GNA15: variants seen among roughly 807,000 people sequenced by gnomAD.
The protein encoded by GNA15 is guanine nucleotide-binding protein subunit alpha-15.
In GNA15, 23 loss-of-function variants were observed where a neutral mutation model predicts 40.1. The observed-to-expected ratio is 0.57, with a 90% confidence interval of 0.41 to 0.81. The LOEUF (loss-of-function observed/expected upper bound fraction) is 0.81, where lower values mean the gene tolerates loss of function less well. GNA15 is among the 40% of genes least tolerant of loss of function. The pLI is 0.00. For missense variants in GNA15, 522 were observed against 515.8 expected (o/e 1.01, Z -0.12); for synonymous variants, 226 against 210.4 (o/e 1.07, Z -0.64).
chr19:3,139,241 C>G (rs1258008284), intron 1 of GNA15, among the ~76,000 whole-genome samples: 1 of 152,096 alleles, frequency 6.6e-6, no homozygotes, highest in East Asian at 1.9e-4. Context: ...CCACTGCACC[C>G]AGTCAAGGGC....
In GNA15 at chr19:3,151,558, C is replaced by T; in HGVS notation, c.486-149C>T. 1 of 843,516 alleles carries T rather than the reference C, an allele frequency of 1.2e-6. No homozygotes were observed. The highest frequency in any genetic ancestry group is 1.8e-6 in the Non-Finnish European group (1 of 566,784). The allele number at this position is 843,516 out of a possible 1,614,324, so 52.3% of individuals were successfully genotyped here. Reference sequence around the variant, plus strand: ...GCTCCATTGCCTCAGGTGGGGGACGCTCCTGGGCCATCTGCCAACTCCAGG... The same window carrying T: ...GCTCCATTGCCTCAGGTGGGGGACGTTCCTGGGCCATCTGCCAACTCCAGG... On this transcript the variant is annotated intron_variant, in intron 3 of 6. Coordinates refer to ENST00000262958, the MANE Select transcript of GNA15 (RefSeq NM_002068.4). The surrounding 1 kb of genome is among the most constrained non-coding windows in gnomAD (Gnocchi z 5.0).
chr19:3,152,938 T>A (rs1914914423), intron 4 of GNA15, among the ~76,000 whole-genome samples: 1 of 152,110 alleles, frequency 6.6e-6, no homozygotes, highest in South Asian at 2.1e-4. Flanking sequence ...GCTTCTTTAG[T>A]GAATAGCTAA....
chr19:3,143,418 A>G (rs1291030584), intron 1 of GNA15, among the ~76,000 whole-genome samples: 3 of 151,986 alleles, frequency 2.0e-5, no homozygotes, highest in South Asian at 2.1e-4. Flanking sequence ...TTGGGAGGCC[A>G]AGGCAAGTGG....
At chr19:3,150,468 C>G (rs1327998561) in intron 3 of GNA15, among the ~76,000 whole-genome samples, 183 bp downstream of exon 3, 1 of 152,052 alleles carries the variant, frequency 6.6e-6, no homozygotes, top group East Asian at 1.9e-4. Context: ...GGGGGTGACC[C>G]TTTTCCTGGG....
chr19:3,144,044 A>C (rs1311329751), intron 1 of GNA15, among the ~76,000 whole-genome samples: 1 of 151,414 alleles, frequency 6.6e-6, no homozygotes, highest in Non-Finnish European at 1.5e-5. Flanking sequence ...GAATGGCGTG[A>C]ACCCGGGAGG....
intron 1 of GNA15, among the ~76,000 whole-genome samples, chr19:3,143,478 C>T (rs1914624952): frequency 6.6e-6 from 1 of 151,988 alleles, no homozygotes; most frequent in East Asian, 1.9e-4. Context: ...ATGGCAAAAC[C>T]CTGTCTCTAC....
intron 6 of GNA15, among the ~76,000 whole-genome samples, chr19:3,159,946 GT>G (rs1157522362): frequency 2.0e-5 from 3 of 152,202 alleles, no homozygotes; most frequent in Non-Finnish European, 2.9e-5. Flanking sequence ...AGGGACCAAC[GT>G]GGGGAAGGTA....
At chr19:3,161,904 G>C (rs1185540925) in intron 6 of GNA15, among the ~76,000 whole-genome samples, 1 of 151,302 alleles carries the variant, frequency 6.6e-6, no homozygotes, top group Non-Finnish European at 1.5e-5. Context: ...GTGGTGGCGG[G>C]GGCCTGTCAT....
rs751384202 is a variant in GNA15, at chr19:3,136,587, T to C, written c.137T>C (p.Leu46Pro). The C allele has an allele frequency of 6.4e-7, 1 of 1,556,980 alleles. No homozygotes were observed. Among genetic ancestry groups the C allele is most frequent in the Admixed American group, 1.9e-5 (1 of 51,746 alleles). Reference sequence around the variant, plus strand: ...CAGGACCGCGGGGAGCTGAAGCTGCTGCTTTTGGGTGAGTCCAGGGTCGGT... The same window carrying C: ...CAGGACCGCGGGGAGCTGAAGCTGCCGCTTTTGGGTGAGTCCAGGGTCGGT... ...KKQDRGELKL[L>P]LLGPGESGKS... is the part of the protein sequence containing the mutation. The change falls in exon 1 of 7, where the codon CTG (leucine) becomes CCG (proline). Residue 46 changes from leucine to proline, a missense_variant. Transcript: ENST00000262958. The surrounding 1 kb of genome is among the most constrained non-coding windows in gnomAD (Gnocchi z 4.9).
rs1220543934 is a variant in GNA15, at chr19:3,148,632, C to A, written c.187C>A (p.Arg63=). 9 of 1,587,616 alleles carry A rather than the reference C, an allele frequency of 5.7e-6. No individual in the cohort carries two copies. The highest frequency in any genetic ancestry group is 1.7e-4 in the Middle Eastern group (1 of 6,028). ...SGKSTFIKQM[R]IIHGAGYSEE... is the part of the protein sequence containing the mutation. ...GAAGAGCACCTTCATCAAGCAGATGCGGATCATCCACGGCGCCGGCTACTC... is the reference window on the plus strand; with the variant it reads ...GAAGAGCACCTTCATCAAGCAGATGAGGATCATCCACGGCGCCGGCTACTC... The change falls in exon 2 of 7, where the codon CGG becomes AGG. Residue 63 remains arginine, a synonymous_variant. Coordinates refer to ENST00000262958, the MANE Select transcript of GNA15 (RefSeq NM_002068.4).
At chr19:3,161,220 C>T (rs1310632855) in intron 6 of GNA15, among the ~76,000 whole-genome samples, 3 of 152,164 alleles carry the variant, frequency 2.0e-5, no homozygotes, top group East Asian at 1.9e-4. Context: ...TTCCAAAGTG[C>T]TAGGATTACA....
At chr19:3,158,266 C>T (rs1915074527) in intron 6 of GNA15, among the ~76,000 whole-genome samples, 1 of 152,092 alleles carries the variant, frequency 6.6e-6, no homozygotes, top group African/African-American at 2.4e-5. Context: ...TCTCCTACCT[C>T]AGCCTCCCTA....
intron 6 of GNA15, 57 bp downstream of exon 6, chr19:3,157,938 A>G (rs898182458): frequency 2.0e-5 from 28 of 1,373,058 alleles, no homozygotes; most frequent in Middle Eastern, 1.8e-4. Flanking sequence ...CTCCGAAGAG[A>G]GATGCTAATC....
rs1915179691 is a variant in GNA15 at position 3,163,139 on chromosome 19, G to C, written c.*120G>C. On this transcript the variant is annotated 3_prime_UTR_variant, in exon 7 of 7. Coordinates refer to ENST00000262958, the MANE Select transcript of GNA15 (RefSeq NM_002068.4). ...CTCGGCCCACACGCAAGGGAGTCGG[G>C]GGACGGACGGCCCGCTGCTGGCCGC... 1 of 671,292 alleles carries C rather than the reference G, an allele frequency of 1.5e-6. No homozygotes were observed. Among genetic ancestry groups the C allele is most frequent in the Non-Finnish European group, 2.6e-6 (1 of 381,062 alleles). The allele number at this position is 671,292 out of a possible 1,614,324, so 41.6% of individuals were successfully genotyped here. A position where few individuals can be genotyped will look rare whatever the true frequency, so the allele number is the denominator to read the frequency against.
intron 5 of GNA15, among the ~76,000 whole-genome samples, chr19:3,157,088 C>G (rs1915048266): frequency 1.3e-5 from 2 of 152,060 alleles, no homozygotes; most frequent in African/African-American, 4.8e-5. Context: ...ACCTCCGCCT[C>G]CCGGGTTCAA....
In GNA15 at chr19:3,136,668, G is replaced by A; in HGVS notation, c.145+73G>A. 1 of 1,399,320 alleles carries A rather than the reference G, an allele frequency of 7.1e-7. No individual in the cohort carries two copies. Among genetic ancestry groups the A allele is most frequent in the Non-Finnish European group, 9.8e-7 (1 of 1,017,896 alleles). 86.7% of individuals were successfully genotyped at this position (1,399,320 alleles called of 1,614,324 possible). ...CCAGCCGGCAGGGGTGTCGGGGCAA[G>A]GAGGCGGATCAGGCTAGGTCAGACA... is the stretch of plus-strand genomic sequence containing the variant. On this transcript the variant is annotated intron_variant, in intron 1 of 6. Coordinates refer to ENST00000262958, the MANE Select transcript of GNA15 (RefSeq NM_002068.4). The surrounding 1 kb of genome is among the most constrained non-coding windows in gnomAD (Gnocchi z 4.9).
In GNA15 at chr19:3,155,271, G is replaced by C. The variant is rs556120553; in HGVS notation, c.615-552G>C. On this transcript the variant is annotated intron_variant, in intron 4 of 6. Transcript: ENST00000262958. This position sits in a 1 kb window ranked among gnomAD's most constrained non-coding sequence, Gnocchi z 5.6. Reference sequence around the variant, plus strand: ...AAATGACGCACAGATGGTTATCAGCGACCCACATTTCTCAGAAGAGAGAGA... The same window carrying C: ...AAATGACGCACAGATGGTTATCAGCCACCCACATTTCTCAGAAGAGAGAGA... The C allele has an allele frequency of 6.5e-6, 1 of 152,812 alleles. No individual in the cohort carries two copies. Among genetic ancestry groups the C allele is most frequent in the Non-Finnish European group, 1.5e-5 (1 of 68,520 alleles). 9.5% of individuals were successfully genotyped at this position (152,812 alleles called of 1,614,324 possible). A position where few individuals can be genotyped will look rare whatever the true frequency, so the allele number is the denominator to read the frequency against.
chr19:3,137,215 C>G (rs888746462), intron 1 of GNA15, among the ~76,000 whole-genome samples: 7 of 152,198 alleles, frequency 4.6e-5, no homozygotes, highest in African/African-American at 1.7e-4. Context: ...TGTGAAGGAG[C>G]CAAGACATTT....
rs904639895 is a variant in GNA15 at position 3,136,916 on chromosome 19, T to G, written c.145+321T>G. On this transcript the variant is annotated intron_variant, in intron 1 of 6. Transcript: ENST00000262958. The surrounding 1 kb of genome is among the most constrained non-coding windows in gnomAD (Gnocchi z 4.9). ...CAGCACGCCCTACCTGTCTGTGTCA[T>G]GGCGAGGGAATGATGAGCTCAGGTG... Among the ~76,000 whole-genome samples, 1 of 152,158 alleles carries G rather than the reference T, an allele frequency of 6.6e-6. No homozygotes were observed. The highest frequency in any genetic ancestry group is 2.4e-5 in the African/African-American group (1 of 41,444).
Sources: allele counts gnomAD v4.1 joint callset (sites outside exome capture counted in the v4.1 genomes callset), GRCh38; gene constraint gnomAD v4.1.1; non-coding constraint Gnocchi (gnomAD v3.1); transcripts MANE v1.5; gene names NCBI Gene and HGNC (gene_info 2026-07-23, HGNC 2026-07-21).